TP63: variants seen among roughly 807,000 people sequenced by gnomAD.
TP63 encodes the protein tumor protein p63.
Under a neutral mutation model 82.8 loss-of-function variants are expected in TP63, and 17 were observed. The observed-to-expected ratio is 0.21, with a 90% CI of 0.14 to 0.31. The LOEUF is 0.31. TP63 is among the 10% of genes least tolerant of loss of function. The probability of loss-of-function intolerance (pLI) is 1.00; values close to 1 mark genes in which losing one functional copy is unlikely to be tolerated. For missense variants in TP63, 648 were observed against 895.3 expected, an observed-to-expected ratio of 0.72 and a Z score of 3.52; for synonymous variants, 330 against 321.7, an observed-to-expected ratio of 1.03 and a Z score of -0.28.
At position 189,817,951 on chromosome 3, in the gene TP63, A is replaced by G. The variant is rs1728374545; in HGVS notation, c.579+9425A>G. Among the ~76,000 whole-genome samples, 8 of 151,916 alleles carry G rather than the reference A, an allele frequency of 5.3e-5. No homozygotes were observed. In the South Asian group the frequency reaches 1.7e-3, roughly 31 times the overall value. On this transcript the variant is annotated intron_variant, in intron 4 of 13. Transcript: ENST00000264731. Reference sequence around the variant, plus strand: ...AATGTAAATACTTATTTAAATGTAAATAAATATGCGCATTTAGATATATAT... The same window carrying G: ...AATGTAAATACTTATTTAAATGTAAGTAAATATGCGCATTTAGATATATAT...
At chr3:189,813,639 T>C (rs1727833516) in intron 4 of TP63, among the ~76,000 whole-genome samples, 2 of 152,168 alleles carry the variant, frequency 1.3e-5, no homozygotes, top group South Asian at 4.2e-4. Flanking sequence ...GTGTTCAGAC[T>C]GAAGTAAGGA....
At chr3:189,777,763 TTTTTC>T (rs988293556) in intron 3 of TP63, among the ~76,000 whole-genome samples, 1 of 151,240 alleles carries the variant, frequency 6.6e-6, no homozygotes, top group African/African-American at 2.4e-5. Context: ...ATATTTTTTT[TTTTTC>T]TTTTAAGTGT....
chr3:189,801,672 T>C (rs1166902305), intron 3 of TP63, among the ~76,000 whole-genome samples: 1 of 152,200 alleles, frequency 6.6e-6, no homozygotes, highest in African/African-American at 2.4e-5. Flanking sequence ...GACAACTTTG[T>C]ATTTATTTCT....
At chr3:189,819,064 T>C (rs534920391) in intron 4 of TP63, among the ~76,000 whole-genome samples, 43 of 152,332 alleles carry the variant, frequency 2.8e-4, no homozygotes, top group African/African-American at 7.2e-4. Context: ...TAAAGCAGAT[T>C]GACCAACATG....
In TP63 at chr3:189,634,332, G is replaced by T. The variant is rs545751087; in HGVS notation, c.62+2755G>T. Among the ~76,000 whole-genome samples, 225 of 151,598 alleles carry T rather than the reference G, an allele frequency of 1.5e-3. 1 individual carries two copies. The highest frequency in any genetic ancestry group is 8.9e-3 in the Admixed American group (136 of 15,228). Reference sequence around the variant, plus strand: ...TTAACTCCAAGCTACCTTAATTTATGAATTCCCTTACAGAATAGAAAAAAA... The same window carrying T: ...TTAACTCCAAGCTACCTTAATTTATTAATTCCCTTACAGAATAGAAAAAAA... On this transcript the variant is annotated intron_variant, in intron 1 of 13. Transcript: ENST00000264731.
In TP63 at chr3:189,681,824, T is replaced by G. The variant is rs1715928978; in HGVS notation, c.62+50247T>G. 2.0e-5 allele frequency among the ~76,000 whole-genome samples: 3 copies of G among 152,192 alleles called. No individual in the cohort carries two copies. In the South Asian group the frequency reaches 6.2e-4, roughly 31 times the overall value. On this transcript the variant is annotated intron_variant, in intron 1 of 13. Transcript: ENST00000264731. ...ACTTCTGACTCTCCTCATCAAGAAA[T>G]GACCTCTATCCCCACAGGCTGGAAT...
intron 13 of TP63, 146 bp from the exon 14 acceptor site, chr3:189,894,060 A>G (rs1721277380): frequency 9.2e-7 from 1 of 1,084,104 alleles, no homozygotes; most frequent in Admixed American, 2.1e-5. Context: ...TTGAAGACTC[A>G]GAGAACTAAT....
the TP63 span, among the ~76,000 whole-genome samples, chr3:189,614,385 A>T: frequency 6.6e-6 from 1 of 152,136 alleles, no homozygotes; most frequent in African/African-American, 2.4e-5. Context: ...AGACCCTCTC[A>T]GCCACGTGGA....
intron 1 of TP63, among the ~76,000 whole-genome samples, chr3:189,725,211 AACAG>A (rs60856939): frequency 0.047 from 7,125 of 152,258 alleles, 576 homozygotes; most frequent in African/African-American, 0.16. Flanking sequence ...AAATAATTAA[AACAG>A]ACATAGTATA....
intron 3 of TP63, among the ~76,000 whole-genome samples, chr3:189,797,888 C>T (rs2108612112): frequency 6.6e-6 from 1 of 152,162 alleles, no homozygotes; most frequent in Non-Finnish European, 1.5e-5. Flanking sequence ...CCTTTCCAGT[C>T]ATTAAGCCCT....
intron 4 of TP63, among the ~76,000 whole-genome samples, chr3:189,840,140 T>C (rs1214802446): frequency 6.6e-6 from 1 of 152,170 alleles, no homozygotes; most frequent in East Asian, 1.9e-4. Context: ...TTTTTACATC[T>C]GTCATATTAC....
the TP63 span, among the ~76,000 whole-genome samples, chr3:189,601,651 A>G: frequency 2.0e-5 from 3 of 152,200 alleles, no homozygotes; most frequent in South Asian, 6.2e-4. Context: ...ATTCATGAGT[A>G]GTACTCATAT....
intron 4 of TP63, among the ~76,000 whole-genome samples, chr3:189,855,152 G>A (rs755001342): frequency 2.6e-5 from 4 of 152,004 alleles, no homozygotes; most frequent in Non-Finnish European, 4.4e-5. Flanking sequence ...AAGACTTAAC[G>A]TGTTTCTGGA....
chr3:189,857,974 C>T (rs1488905078), intron 4 of TP63, among the ~76,000 whole-genome samples: 1 of 152,194 alleles, frequency 6.6e-6, no homozygotes, highest in Non-Finnish European at 1.5e-5. Flanking sequence ...AGCAATCTCA[C>T]TACTAGGCAT....
intron 4 of TP63, among the ~76,000 whole-genome samples, chr3:189,817,318 C>G (rs78994864): frequency 0.028 from 4,328 of 152,168 alleles, 183 homozygotes; most frequent in African/African-American, 0.099. Context: ...TAAGGGTTCT[C>G]ATTTGAATTT....
chr3:189,639,084 T>A (rs1206351472), intron 1 of TP63, among the ~76,000 whole-genome samples: 2 of 152,212 alleles, frequency 1.3e-5, no homozygotes, highest in African/African-American at 4.8e-5. Context: ...GCCAAGTTTC[T>A]GATTAGCTAT....
At chr3:189,828,778 A>G (rs1042406581) in intron 4 of TP63, among the ~76,000 whole-genome samples, 1 of 152,208 alleles carries the variant, frequency 6.6e-6, no homozygotes, top group Non-Finnish European at 1.5e-5. Context: ...ATTGAGCTAA[A>G]TCTTGATATC....
intron 10 of TP63, among the ~76,000 whole-genome samples, chr3:189,883,704 G>A (rs551163352): frequency 9.9e-5 from 15 of 152,104 alleles, no homozygotes; most frequent in Admixed American, 2.0e-4. Flanking sequence ...TGAGACTCAA[G>A]AAACTTGTAC....
intron 1 of TP63, among the ~76,000 whole-genome samples, chr3:189,667,956 G>A (rs1577205482): frequency 6.6e-6 from 1 of 152,038 alleles, no homozygotes; most frequent in Non-Finnish European, 1.5e-5. Flanking sequence ...GGTATCAGTC[G>A]AGATTTGACC....
Sources: gnomAD v4.1 joint callset for allele counts (sites outside exome capture counted in the v4.1 genomes callset) on GRCh38, gnomAD v4.1.1 for gene constraint, MANE v1.5 for transcripts, NCBI Gene and HGNC (gene_info 2026-07-23, HGNC 2026-07-21) for gene names.